FHIT: variants seen among roughly 807,000 people sequenced by gnomAD.
FHIT encodes the protein bis(5'-adenosyl)-triphosphatase.
FHIT carries 19 observed loss-of-function variants against 17.9 expected under a neutral mutation model. The ratio of observed to expected loss-of-function variants is 1.06; its 90% CI spans 0.74 to 1.56. FHIT has a LOEUF of 1.56. FHIT is among the 40% of genes most tolerant of loss of function. FHIT has a pLI of 0.00. For synonymous variants in FHIT, 81 were observed against 69.7 expected, an observed-to-expected ratio of 1.16 and a Z score of -0.81; for missense variants, 248 against 189.2, an observed-to-expected ratio of 1.31 and a Z score of -1.82.
chr3:60,320,753 T>C (rs1203009317), intron 5 of FHIT, among the ~76,000 whole-genome samples: 2 of 152,104 alleles, frequency 1.3e-5, no homozygotes, highest in East Asian at 3.8e-4. Context: ...ACAAGTAACA[T>C]AAGAAAGATG....
intron 2 of FHIT, among the ~76,000 whole-genome samples, chr3:61,157,474 C>T (rs1303948377): frequency 6.6e-6 from 1 of 152,124 alleles, no homozygotes; most frequent in Admixed American, 6.6e-5. Flanking sequence ...AGTGGTTCAC[C>T]TTACTGTAGC....
chr3:60,319,437 G>C (rs777398878), intron 5 of FHIT, among the ~76,000 whole-genome samples: 1 of 150,902 alleles, frequency 6.6e-6, no homozygotes, highest in Non-Finnish European at 1.5e-5. Flanking sequence ...CTGACAGGGT[G>C]ATGTTTTTAA....
chr3:60,994,499 C>T (rs2030507291), intron 3 of FHIT, among the ~76,000 whole-genome samples: 1 of 152,194 alleles, frequency 6.6e-6, no homozygotes, highest in African/African-American at 2.4e-5. Context: ...TGAAATCAAA[C>T]CATTTCAGAT....
intron 5 of FHIT, among the ~76,000 whole-genome samples, chr3:60,249,631 G>T (rs1490441211): frequency 6.7e-6 from 1 of 150,138 alleles, no homozygotes; most frequent in African/African-American, 2.5e-5. Flanking sequence ...AGTGACATTA[G>T]AACCATGATC....
intron 8 of FHIT, among the ~76,000 whole-genome samples, chr3:59,841,204 G>A (rs1351431078): frequency 1.3e-5 from 2 of 152,154 alleles, no homozygotes; most frequent in Non-Finnish European, 2.9e-5. Context: ...GAAGATCACA[G>A]CTGTATGCTA....
chr3:60,590,902 G>T (rs1576934314), intron 4 of FHIT, among the ~76,000 whole-genome samples: 1 of 152,010 alleles, frequency 6.6e-6, no homozygotes, highest in Non-Finnish European at 1.5e-5. Flanking sequence ...ATCAGGGAAG[G>T]CTTCCAGGAG....
intron 2 of FHIT, among the ~76,000 whole-genome samples, chr3:61,132,260 C>A (rs1356194203): frequency 1.3e-5 from 2 of 152,188 alleles, no homozygotes; most frequent in Non-Finnish European, 2.9e-5. Context: ...CTTAGTTGAG[C>A]CCTACATGAG....
intron 2 of FHIT, among the ~76,000 whole-genome samples, chr3:61,060,632 G>A (rs2034393887): frequency 6.6e-6 from 1 of 152,218 alleles, no homozygotes; most frequent in Admixed American, 6.5e-5. Context: ...TAAAGGCAAT[G>A]TCCTGGAATT....
chr3:61,083,864 C>T (rs2106786605), intron 2 of FHIT, among the ~76,000 whole-genome samples: 1 of 152,206 alleles, frequency 6.6e-6, no homozygotes, highest in East Asian at 1.9e-4. Context: ...TAATAATATT[C>T]CATTGTACGG....
chr3:59,753,598 A>G (rs1473360209), intron 8 of FHIT, among the ~76,000 whole-genome samples: 2 of 152,182 alleles, frequency 1.3e-5, no homozygotes, highest in East Asian at 1.9e-4. Context: ...ACAGTGTAGT[A>G]TTTTGTGTTA....
chr3:60,507,138 G>A (rs1445186914), intron 5 of FHIT, among the ~76,000 whole-genome samples: 1 of 152,162 alleles, frequency 6.6e-6, no homozygotes, highest in African/African-American at 2.4e-5. Flanking sequence ...AAAGGAAAGT[G>A]GCCAAGACTG....
chr3:60,570,528 G>T (rs1442603580), intron 4 of FHIT, among the ~76,000 whole-genome samples: 1 of 151,920 alleles, frequency 6.6e-6, no homozygotes, highest in African/African-American at 2.4e-5. Flanking sequence ...CTTCTAAAAA[G>T]CTCCTGGTTA....
chr3:60,027,136 C>G (rs868139800), intron 5 of FHIT, among the ~76,000 whole-genome samples: 23 of 118,632 alleles, frequency 1.9e-4, no homozygotes, highest in African/African-American at 7.7e-4. Context: ...CACACACACA[C>G]ACACACACAC....
At chr3:60,616,615 T>G (rs1343965926) in intron 4 of FHIT, among the ~76,000 whole-genome samples, 10 of 128,460 alleles carry the variant, frequency 7.8e-5, no homozygotes, top group Non-Finnish European at 1.4e-4. Context: ...TACTTAGGTA[T>G]AAATCAAACG....
chr3:60,000,879 C>A (rs1699704906), intron 7 of FHIT, among the ~76,000 whole-genome samples: 1 of 152,206 alleles, frequency 6.6e-6, no homozygotes, highest in Non-Finnish European at 1.5e-5. Context: ...ACTCTCCCTA[C>A]ACTAAATTTC....
chr3:60,425,124 C>T (rs1247191276), intron 5 of FHIT, among the ~76,000 whole-genome samples: 2 of 151,990 alleles, frequency 1.3e-5, no homozygotes, highest in African/African-American at 2.4e-5. Flanking sequence ...TGCAACACAT[C>T]CCTATCAGGA....
At position 61,079,663 on chromosome 3, in the gene FHIT, C is replaced by T. The variant is rs182919994; in HGVS notation, c.-163-37564G>A. ...TATTTCACATGTACATGCACAGGCACACATGCGTGTGCACACACACACATA... is the reference window on the plus strand; with the variant it reads ...TATTTCACATGTACATGCACAGGCATACATGCGTGTGCACACACACACATA... On this transcript the variant is annotated intron_variant, in intron 2 of 9. Transcript: ENST00000492590. 1.9e-3 allele frequency among the ~76,000 whole-genome samples: 295 copies of T among 152,300 alleles called. 1 individual carries two copies. Among genetic ancestry groups the T allele is most frequent in the Middle Eastern group, 0.017 (5 of 294 alleles).
At chr3:60,714,329 A>C (rs1453848686) in intron 4 of FHIT, among the ~76,000 whole-genome samples, 3 of 152,078 alleles carry the variant, frequency 2.0e-5, no homozygotes, top group African/African-American at 7.2e-5. Context: ...CAAATATCAT[A>C]CTGAATGGGC....
At chr3:61,226,001 T>C (rs2039962112) in intron 1 of FHIT, among the ~76,000 whole-genome samples, 1 of 152,224 alleles carries the variant, frequency 6.6e-6, no homozygotes, top group Non-Finnish European at 1.5e-5. Context: ...TTTCTTCTGA[T>C]ACAAAACTCA....
Sources: allele counts gnomAD v4.1 joint callset (sites outside exome capture counted in the v4.1 genomes callset), GRCh38; gene constraint gnomAD v4.1.1; transcripts MANE v1.5; gene names NCBI Gene and HGNC (gene_info 2026-07-23, HGNC 2026-07-21).